The following ARHGEF3 variants were observed in gnomAD, a reference collection of about 807,000 sequenced individuals.
ARHGEF3 encodes 59.8 kDA protein.
Under a neutral mutation model 63.2 loss-of-function variants are expected in ARHGEF3, and 28 were observed. The ratio of observed to expected loss-of-function variants is 0.44; its 90% CI spans 0.33 to 0.61. ARHGEF3 has a LOEUF of 0.61. Among genes scored for constraint, ARHGEF3 ranks in the 20% least tolerant of loss-of-function variants. The probability of loss-of-function intolerance (pLI) is 0.03; values close to 1 mark genes in which losing one functional copy is unlikely to be tolerated. For synonymous variants in ARHGEF3, 266 were observed against 254.2 expected (o/e 1.05, Z -0.44); for missense variants, 533 against 659.3 (o/e 0.81, Z 2.10).
intron 1 of ARHGEF3, among the ~76,000 whole-genome samples, chr3:56,780,498 C>A (rs2036514764): frequency 6.6e-6 from 1 of 152,220 alleles, no homozygotes; most frequent in African/African-American, 2.4e-5. Flanking sequence ...ATACTATTAA[C>A]TAAACTATTA....
intron 1 of ARHGEF3, among the ~76,000 whole-genome samples, chr3:57,070,984 AAAAGAAAG>A (rs199600467): frequency 0.084 from 12,398 of 147,672 alleles, 716 homozygotes; most frequent in East Asian, 0.32. Flanking sequence ...AAAAAAAAAA[AAAAGAAAG>A]AAAGAAAGAA....
Position 56,773,598 on chromosome 3 carries a change from A to G in ARHGEF3, c.204+111T>C, listed in dbSNP as rs73077875. On this transcript the variant is annotated intron_variant, in intron 2 of 9. Transcript: ENST00000296315. ...TCACTTGCACTCTTCTATTGAAATAAGCATTGATTCAGGTCACTTTGAAAC... is the reference window on the plus strand; with the variant it reads ...TCACTTGCACTCTTCTATTGAAATAGGCATTGATTCAGGTCACTTTGAAAC... 3.0e-3 allele frequency: 2,705 copies of G among 894,458 alleles called. 9 individuals carry two copies. The highest frequency in any genetic ancestry group is 3.8e-3 in the South Asian group (184 of 48,858). 55.4% of individuals were successfully genotyped at this position (894,458 alleles called of 1,614,324 possible). A position where few individuals can be genotyped will look rare whatever the true frequency, so the allele number is the denominator to read the frequency against.
At chr3:56,920,824 G>T (rs542287431) in intron 3 of ARHGEF3, among the ~76,000 whole-genome samples, 1 of 151,988 alleles carries the variant, frequency 6.6e-6, no homozygotes, top group Non-Finnish European at 1.5e-5. Flanking sequence ...AGGCCGAGGC[G>T]GGCAGATCAC....
chr3:56,978,371 C>T (rs1284556653), intron 2 of ARHGEF3, among the ~76,000 whole-genome samples: 1 of 152,110 alleles, frequency 6.6e-6, no homozygotes, highest in East Asian at 1.9e-4. Context: ...TCACACGTTC[C>T]TACACTGTCT....
At chr3:56,951,305 GAA>G (rs1469694665) in intron 3 of ARHGEF3, among the ~76,000 whole-genome samples, 1 of 151,166 alleles carries the variant, frequency 6.6e-6, no homozygotes, top group East Asian at 1.9e-4. Flanking sequence ...AGAAAAAAAA[GAA>G]AGAAATTGCC....
At chr3:56,985,140 A>G (rs1388050230) in intron 2 of ARHGEF3, among the ~76,000 whole-genome samples, 1 of 152,234 alleles carries the variant, frequency 6.6e-6, no homozygotes, top group Non-Finnish European at 1.5e-5. Context: ...CAGGCGGGGA[A>G]TGCAATGGTG....
At chr3:56,770,507 G>A (rs933961895) in intron 2 of ARHGEF3, among the ~76,000 whole-genome samples, 3 of 152,092 alleles carry the variant, frequency 2.0e-5, no homozygotes, top group African/African-American at 7.2e-5. Context: ...AGCTGGTGAG[G>A]GAAACTATTA....
At chr3:57,008,154 C>A (rs1252588142) in intron 2 of ARHGEF3, among the ~76,000 whole-genome samples, 2 of 152,192 alleles carry the variant, frequency 1.3e-5, no homozygotes, top group African/African-American at 4.8e-5. Flanking sequence ...GCTACATGTA[C>A]TTTCCTAGAA....
chr3:56,732,516 C>T (rs1051525249), intron 8 of ARHGEF3, 92 bp from the exon 9 acceptor site: 23 of 1,427,320 alleles, frequency 1.6e-5, no homozygotes, highest in Middle Eastern at 2.2e-4. Flanking sequence ...TCCCCAGGTA[C>T]CAGGTTCACA....
chr3:57,053,319 C>T (rs1453671345), intron 1 of ARHGEF3, among the ~76,000 whole-genome samples: 1 of 152,086 alleles, frequency 6.6e-6, no homozygotes, highest in Non-Finnish European at 1.5e-5. Flanking sequence ...GGAGCAATCA[C>T]CGCTGCCCAC....
intron 6 of ARHGEF3, among the ~76,000 whole-genome samples, chr3:56,749,570 T>C (rs754313641): frequency 3.9e-5 from 6 of 152,226 alleles, no homozygotes; most frequent in Non-Finnish European, 7.3e-5. Flanking sequence ...AGGCACTCTC[T>C]ACTCATTATA....
At chr3:57,045,489 A>G (rs1179478617) in intron 1 of ARHGEF3, among the ~76,000 whole-genome samples, 1 of 152,238 alleles carries the variant, frequency 6.6e-6, no homozygotes, top group African/African-American at 2.4e-5. Flanking sequence ...GCATGGACCC[A>G]GCAATGGGTT....
At chr3:56,747,064 C>CAGAGAGAGAGAGAGAGAGAG (rs5849167) in intron 6 of ARHGEF3, among the ~76,000 whole-genome samples, 9 of 148,164 alleles carry the variant, frequency 6.1e-5, no homozygotes, top group Non-Finnish European at 9.0e-5. Flanking sequence ...CACACACACA[C>CAGAGAGAGAGAGAGAGAGAG]AGAGAGAGAG....
rs1435548410 is a variant in ARHGEF3, at chr3:56,901,648, G to T, written c.130-19294C>A. On this transcript the variant is annotated intron_variant, in intron 3 of 12. Transcript: ENST00000338458. ...GTCCAGGCTGGAGTGCAGTGGCACA[G>T]TCACTGCTCACTGTAGCCTTAATCT... Among the ~76,000 whole-genome samples the T allele has an allele frequency of 6.7e-5, 10 of 150,138 alleles. No individual in the cohort carries two copies. The Middle Eastern group carries it at 0.01, about 156-fold the overall frequency.
At chr3:57,022,273 G>A (rs1470339244) in intron 2 of ARHGEF3, among the ~76,000 whole-genome samples, 1 of 152,138 alleles carries the variant, frequency 6.6e-6, no homozygotes, top group Non-Finnish European at 1.5e-5. Flanking sequence ...GCCCTGTCCA[G>A]TCACCTGGGG....
intron 2 of ARHGEF3, among the ~76,000 whole-genome samples, chr3:56,980,715 T>C (rs1322295711): frequency 6.6e-6 from 1 of 152,240 alleles, no homozygotes; most frequent in Non-Finnish European, 1.5e-5. Context: ...GACAAGAACC[T>C]GAAGTATGTT....
chr3:57,070,423 T>C (rs977997869), intron 1 of ARHGEF3, among the ~76,000 whole-genome samples: 1 of 152,192 alleles, frequency 6.6e-6, no homozygotes, highest in African/African-American at 2.4e-5. Flanking sequence ...TCTGTGCAGT[T>C]TGATGGATGG....
chr3:56,892,262 A>G (rs2041147934), intron 3 of ARHGEF3, among the ~76,000 whole-genome samples: 1 of 152,230 alleles, frequency 6.6e-6, no homozygotes, highest in Admixed American at 6.5e-5. Context: ...TCCCAGAAAA[A>G]AAAAATACGG....
intron 2 of ARHGEF3, among the ~76,000 whole-genome samples, chr3:56,996,162 G>A (rs1033995225): frequency 6.6e-6 from 1 of 152,068 alleles, no homozygotes; most frequent in African/African-American, 2.4e-5. Flanking sequence ...CAGTCTTAAT[G>A]ACTGGCATCA....
Sources: gnomAD v4.1 joint callset for allele counts (sites outside exome capture counted in the v4.1 genomes callset) on GRCh38, gnomAD v4.1.1 for gene constraint, MANE v1.5 for transcripts, NCBI Gene and HGNC (gene_info 2026-07-23, HGNC 2026-07-21) for gene names.